Variants in MAP4K3 observed in about 807,000 individuals in gnomAD.
MAP4K3 encodes the protein mitogen-activated protein kinase kinase kinase kinase 3, also known as MAPK/ERK kinase kinase kinase 3.
MAP4K3 carries 94 observed loss-of-function variants against 143.5 expected under a neutral mutation model. That is an observed-to-expected ratio of 0.65 (90% CI 0.55 to 0.78). The LOEUF is 0.78. Ranked by LOEUF, MAP4K3 falls within the 30% of genes least tolerant of loss-of-function variation. The pLI is 0.00. For synonymous variants in MAP4K3, 416 were observed against 347.2 expected, an observed-to-expected ratio of 1.20 and a Z score of -2.20; for missense variants, 1,077 against 1,068.1, an observed-to-expected ratio of 1.01 and a Z score of -0.12.
intron 1 of MAP4K3, among the ~76,000 whole-genome samples, chr2:39,428,453 A>G (rs965772104): frequency 4.6e-5 from 7 of 151,450 alleles, no homozygotes; most frequent in African/African-American, 1.7e-4. Context: ...GCAGGTGATC[A>G]CCTGAGGTCA....
chr2:39,317,228 G>T (rs993736291), intron 12 of MAP4K3, among the ~76,000 whole-genome samples: 8 of 152,176 alleles, frequency 5.3e-5, no homozygotes, highest in African/African-American at 1.7e-4. Context: ...ATTGAAACTG[G>T]ACCCCTTCCT....
rs193005332 is a variant in MAP4K3, at chr2:39,257,660, G to C, written c.2470+688C>G. On this transcript the variant is annotated intron_variant, in intron 31 of 33. Transcript: ENST00000263881. ...CTAAAAATACAAAAATCAGCCGGGG[G>C]TGGTGGCGGGCGCCTGTAATCCCAG... Among the ~76,000 whole-genome samples the C allele has an allele frequency of 1.7e-3, 259 of 151,828 alleles. 6 individuals are homozygous for C. In the East Asian group the frequency reaches 0.025, roughly 14 times the overall value.
At chr2:39,331,014 C>G (rs567901969) in intron 8 of MAP4K3, among the ~76,000 whole-genome samples, 1 of 152,014 alleles carries the variant, frequency 6.6e-6, no homozygotes, top group African/African-American at 2.4e-5. Flanking sequence ...TTCTCATATG[C>G]CTTTTTAGCA....
chr2:39,272,992 A>C (rs1219188881), intron 24 of MAP4K3, among the ~76,000 whole-genome samples: 2 of 152,096 alleles, frequency 1.3e-5, no homozygotes, highest in Middle Eastern at 3.2e-3. Context: ...CAGGATACAG[A>C]AACACTAGGT....
intron 26 of MAP4K3, among the ~76,000 whole-genome samples, chr2:39,270,301 G>A (rs924562324): frequency 2.0e-5 from 3 of 152,186 alleles, no homozygotes; most frequent in Non-Finnish European, 4.4e-5. Context: ...GTTCTATAGT[G>A]ATCTATAGAC....
At chr2:39,432,645 A>T (rs1665325622) in intron 1 of MAP4K3, among the ~76,000 whole-genome samples, 1 of 152,242 alleles carries the variant, frequency 6.6e-6, no homozygotes, top group African/African-American at 2.4e-5. Flanking sequence ...AGGTTCTCAC[A>T]AATGCTGATT....
At chr2:39,342,377 G>A (rs914838427) in intron 4 of MAP4K3, among the ~76,000 whole-genome samples, 2 of 152,056 alleles carry the variant, frequency 1.3e-5, no homozygotes, top group East Asian at 1.9e-4. Flanking sequence ...TGATCTGCCC[G>A]CCTCAGCCTC....
At chr2:39,412,796 A>G (rs1667267015) in intron 1 of MAP4K3, among the ~76,000 whole-genome samples, 2 of 152,196 alleles carry the variant, frequency 1.3e-5, no homozygotes, top group Non-Finnish European at 1.5e-5. Flanking sequence ...TTACAAATGA[A>G]TAAATTGAGG....
intron 8 of MAP4K3, among the ~76,000 whole-genome samples, chr2:39,328,424 C>T (rs1021194170): frequency 2.0e-5 from 3 of 152,050 alleles, no homozygotes; most frequent in African/African-American, 4.8e-5. Flanking sequence ...GCCAAAAAAC[C>T]TGGTACGTTA....
At chr2:39,404,110 ACT>A (rs1222494823) in intron 1 of MAP4K3, among the ~76,000 whole-genome samples, 6 of 151,672 alleles carry the variant, frequency 4.0e-5, no homozygotes, top group Admixed American at 2.0e-4. Flanking sequence ...CCTGGGTGAA[ACT>A]CTGACATGTG....
Position 39,287,002 on chromosome 2 carries a change from C to T in MAP4K3, c.1475-38G>A, listed in dbSNP as rs757364913. 7.0e-6 allele frequency: 9 copies of T among 1,290,098 alleles called. No homozygotes were observed. The African/African-American group carries it at 1.0e-4, about 15-fold the overall frequency. 79.9% of individuals were successfully genotyped at this position (1,290,098 alleles called of 1,614,324 possible). ...ATATTCATTGAAAATGATTAATCTT[C>T]ATGAAAACTTTTATTCAGAAAGTTA... On this transcript the variant is annotated intron_variant, in intron 20 of 33. Coordinates refer to ENST00000263881, the MANE Select transcript of MAP4K3 (RefSeq NM_003618.4).
In MAP4K3 at chr2:39,333,577, T is replaced by G; in HGVS notation, c.415-3A>C. 1.3e-6 allele frequency: 2 copies of G among 1,586,780 alleles called. No homozygotes were observed. Among genetic ancestry groups the G allele is most frequent in the Non-Finnish European group, 1.7e-6 (2 of 1,157,436 alleles). On this transcript the variant is annotated splice_region_variant and splice_polypyrimidine_tract_variant and intron_variant, in intron 6 of 33. Transcript: ENST00000263881. Reference sequence around the variant, plus strand: ...TCCGTTAATAGAATGTTAGCTCCCTTCAAAGTAACAATATTTTAGTTAGAG... The same window carrying G: ...TCCGTTAATAGAATGTTAGCTCCCTGCAAAGTAACAATATTTTAGTTAGAG...
chr2:39,262,674 G>C (rs1680615475), intron 28 of MAP4K3, among the ~76,000 whole-genome samples: 1 of 152,150 alleles, frequency 6.6e-6, no homozygotes, highest in Non-Finnish European at 1.5e-5. Context: ...TTTAAATCCA[G>C]TTGCTATTGT....
chr2:39,270,875 A>G (rs1680990737), intron 26 of MAP4K3, among the ~76,000 whole-genome samples: 1 of 152,194 alleles, frequency 6.6e-6, no homozygotes, highest in South Asian at 2.1e-4. Context: ...TTTCCTGCCA[A>G]TAAGTGAGAG....
chr2:39,405,626 G>C (rs566042509), intron 1 of MAP4K3, among the ~76,000 whole-genome samples: 1 of 152,288 alleles, frequency 6.6e-6, no homozygotes, highest in African/African-American at 2.4e-5. Context: ...CCAACACTTT[G>C]AGAGGCTGAG....
chr2:39,370,372 A>G (rs1161963521), intron 2 of MAP4K3, among the ~76,000 whole-genome samples: 4 of 152,216 alleles, frequency 2.6e-5, no homozygotes, highest in Non-Finnish European at 5.9e-5. Flanking sequence ...ACATGGTGGC[A>G]AGGGATCCAC....
Position 39,261,312 on chromosome 2 carries a change from C to G in MAP4K3, c.2137-535G>C, listed in dbSNP as rs143894373. Among the ~76,000 whole-genome samples the G allele has an allele frequency of 4.8e-4, 44 of 91,608 alleles. 1 individual carries two copies. The East Asian group carries it at 0.012, about 26-fold the overall frequency. The allele number at this position is 91,608 out of a possible 152,430, so 60.1% of individuals were successfully genotyped here. A position where few individuals can be genotyped will look rare whatever the true frequency, so the allele number is the denominator to read the frequency against. Reference sequence around the variant, plus strand: ...CAAATCAACTCAGTTATAATACAACCCATTTTAATTTTATATGTTTAAAAT... The same window carrying G: ...CAAATCAACTCAGTTATAATACAACGCATTTTAATTTTATATGTTTAAAAT... On this transcript the variant is annotated intron_variant, in intron 28 of 33. Coordinates refer to ENST00000263881, the MANE Select transcript of MAP4K3 (RefSeq NM_003618.4).
chr2:39,348,137 T>C (rs2148541606), intron 3 of MAP4K3, among the ~76,000 whole-genome samples: 1 of 152,252 alleles, frequency 6.6e-6, no homozygotes. Flanking sequence ...CAATTCCATC[T>C]TAATAGTGTT....
intron 14 of MAP4K3, 74 bp downstream of exon 14, chr2:39,309,387 G>A: frequency 8.7e-7 from 1 of 1,154,458 alleles, no homozygotes; most frequent in Non-Finnish European, 1.3e-6. Flanking sequence ...TTTTTGGTCA[G>A]TACTAATACA....
Sources: gnomAD v4.1 joint callset for allele counts (sites outside exome capture counted in the v4.1 genomes callset) on GRCh38, gnomAD v4.1.1 for gene constraint, MANE v1.5 for transcripts, NCBI Gene and HGNC (gene_info 2026-07-23, HGNC 2026-07-21) for gene names.